The following ANXA4 variants were observed in gnomAD, a reference collection of about 807,000 sequenced individuals.
The protein encoded by ANXA4 is annexin A4.
Under a neutral mutation model 49.8 loss-of-function variants are expected in ANXA4, and 39 were observed. That is an observed-to-expected ratio of 0.78 (90% CI 0.61 to 1.02). The LOEUF is 1.02. Ranked by LOEUF, ANXA4 falls within the 50% of genes least tolerant of loss-of-function variation. ANXA4 has a pLI of 0.00. For synonymous variants in ANXA4, 134 were observed against 152.5 expected (o/e 0.88, Z 0.89); for missense variants, 360 against 410.1 (o/e 0.88, Z 1.05).
chr2:69,691,117 C>T (rs1677949952), intron 2 of ANXA4, among the ~76,000 whole-genome samples: 1 of 151,502 alleles, frequency 6.6e-6, no homozygotes, highest in Admixed American at 6.6e-5. Flanking sequence ...CTTTCTGGTA[C>T]AGTCTTTTTT....
chr2:69,756,934 A>ATTAT (rs576740764), intron 1 of ANXA4, among the ~76,000 whole-genome samples: 5 of 135,364 alleles, frequency 3.7e-5, no homozygotes, highest in African/African-American at 1.4e-4. Context: ...ATTAATTATT[A>ATTAT]TTTTTTTTTT....
chr2:69,815,047 C>T (rs1214366688), intron 8 of ANXA4: 1 of 152,262 alleles, frequency 6.6e-6, no homozygotes, highest in Admixed American at 6.5e-5. Context: ...CCCTCTCACT[C>T]TTGGGAAGGT....
intron 2 of ANXA4, among the ~76,000 whole-genome samples, chr2:69,656,297 A>ATATACGTATATATATACATATATG (rs1559046044): frequency 3.7e-4 from 34 of 92,384 alleles, no homozygotes; most frequent in Non-Finnish European, 6.0e-4. Context: ...ACATATATGT[A>ATATACGTATATATATACATATATG]TATATATGTA....
At chr2:69,653,511 C>T (rs923709653) in intron 2 of ANXA4, among the ~76,000 whole-genome samples, 3 of 152,162 alleles carry the variant, frequency 2.0e-5, no homozygotes, top group East Asian at 1.9e-4. Context: ...CTGCATTTCT[C>T]CATTCCTGAG....
intron 1 of ANXA4, among the ~76,000 whole-genome samples, chr2:69,773,621 CTTTTTTT>C (rs67161210): frequency 5.5e-4 from 51 of 93,066 alleles, no homozygotes; most frequent in Admixed American, 1.3e-3. Context: ...TTCTTTCCTT[CTTTTTTT>C]TTTTTTTTTT....
chr2:69,815,386 G>A (rs1413328513), intron 8 of ANXA4: 1 of 152,260 alleles, frequency 6.6e-6, no homozygotes, highest in East Asian at 1.9e-4. Context: ...GTATATGGAG[G>A]TAAGCCCAAT....
At chr2:69,822,127 G>A (rs370295173) in intron 12 of ANXA4, among the ~76,000 whole-genome samples, 69 of 152,206 alleles carry the variant, frequency 4.5e-4, no homozygotes, top group East Asian at 1.2e-3. Context: ...TTGGGAGGCC[G>A]AGACAGGTGG....
chr2:69,745,205 G>T (rs184661165), intron 1 of ANXA4, among the ~76,000 whole-genome samples: 2 of 152,174 alleles, frequency 1.3e-5, no homozygotes, highest in Admixed American at 6.5e-5. Flanking sequence ...GAATAAACTC[G>T]CTCTTTGAGG....
chr2:69,761,508 T>C (rs1671285584), intron 1 of ANXA4, among the ~76,000 whole-genome samples: 1 of 92,592 alleles, frequency 1.1e-5, no homozygotes, highest in Non-Finnish European at 1.9e-5. Context: ...TAAAACTGCA[T>C]CTTTCCAAGT....
chr2:69,758,725 T>C (rs954347903), intron 1 of ANXA4, among the ~76,000 whole-genome samples: 1 of 152,210 alleles, frequency 6.6e-6, no homozygotes, highest in African/African-American at 2.4e-5. Context: ...AGCTAACTTA[T>C]GGGTGGTTGG....
At chr2:69,821,521 G>A (rs1230481664) in intron 12 of ANXA4, among the ~76,000 whole-genome samples, 1 of 152,074 alleles carries the variant, frequency 6.6e-6, no homozygotes, top group African/African-American at 2.4e-5. Context: ...CCAGGCTGGA[G>A]TGTAGTGGCG....
At chr2:69,823,694 T>G (rs2103907260) in intron 12 of ANXA4, among the ~76,000 whole-genome samples, 1 of 152,302 alleles carries the variant, frequency 6.6e-6, no homozygotes, top group African/African-American at 2.4e-5. Flanking sequence ...CAGTACCAAA[T>G]TATATTGCAT....
chr2:69,663,820 A>G (rs1676828530), intron 2 of ANXA4, among the ~76,000 whole-genome samples: 1 of 152,264 alleles, frequency 6.6e-6, no homozygotes, highest in Non-Finnish European at 1.5e-5. Flanking sequence ...AAAGGCAAAG[A>G]GAAGGGAAAG....
intron 2 of ANXA4, among the ~76,000 whole-genome samples, chr2:69,717,051 A>G (rs1034343374): frequency 2.6e-5 from 4 of 152,150 alleles, no homozygotes; most frequent in Admixed American, 2.6e-4. Context: ...AGTGCAGGGG[A>G]GACCGTAAAG....
At chr2:69,684,210 G>A (rs1677701765) in intron 2 of ANXA4, among the ~76,000 whole-genome samples, 1 of 152,120 alleles carries the variant, frequency 6.6e-6, no homozygotes, top group African/African-American at 2.4e-5. Context: ...TTAGAAAGTA[G>A]GGAGCTTGTT....
At chr2:69,815,804 T>C in intron 8 of ANXA4, 1 of 328,974 alleles carries the variant, frequency 3.0e-6, no homozygotes, top group Non-Finnish European at 5.7e-6. Context: ...TAGTGGCAAC[T>C]GTAGGGGACA....
intron 5 of ANXA4, among the ~76,000 whole-genome samples, chr2:69,807,686 C>A (rs948692075): frequency 6.6e-6 from 1 of 152,190 alleles, no homozygotes; most frequent in Non-Finnish European, 1.5e-5. Flanking sequence ...CAGTAACGAA[C>A]ACATAATAAA....
chr2:69,773,723 C>G (rs1413036428), intron 1 of ANXA4, among the ~76,000 whole-genome samples: 1 of 147,364 alleles, frequency 6.8e-6, no homozygotes, highest in Non-Finnish European at 1.5e-5. Flanking sequence ...CCTCTGCCTC[C>G]TGGGTTCAAG....
At chr2:69,792,116 G>A (rs560249641) in intron 3 of ANXA4, among the ~76,000 whole-genome samples, 3 of 152,106 alleles carry the variant, frequency 2.0e-5, no homozygotes, top group Admixed American at 2.0e-4. Context: ...AAAAGCCAGG[G>A]GTTAGGAAAG....
Sources: gnomAD v4.1 joint callset for allele counts (sites outside exome capture counted in the v4.1 genomes callset) on GRCh38, gnomAD v4.1.1 for gene constraint, MANE v1.5 for transcripts, NCBI Gene and HGNC (gene_info 2026-07-23, HGNC 2026-07-21) for gene names.